DENND6A: variants seen among roughly 807,000 people sequenced by gnomAD.
The protein encoded by DENND6A is protein DENND6A.
DENND6A carries 43 observed loss-of-function variants against 95.5 expected under a neutral mutation model. The ratio of observed to expected loss-of-function variants is 0.45; its 90% CI spans 0.35 to 0.58. The LOEUF is 0.58. Ranked by LOEUF, DENND6A falls within the 20% of genes least tolerant of loss-of-function variation. The probability of loss-of-function intolerance (pLI) is 0.00; values close to 1 mark genes in which losing one functional copy is unlikely to be tolerated. For synonymous variants in DENND6A, 257 were observed against 260.4 expected (o/e 0.99, Z 0.13); for missense variants, 574 against 736.0 (o/e 0.78, Z 2.55).
chr3:57,647,345 T>C (rs553700831), intron 9 of DENND6A, among the ~76,000 whole-genome samples: 3 of 152,226 alleles, frequency 2.0e-5, no homozygotes, highest in Admixed American at 6.5e-5. Flanking sequence ...CTCTTCCTCT[T>C]CCCTTCCTAA....
At chr3:57,636,087 TG>T (rs1353039548) in intron 12 of DENND6A, among the ~76,000 whole-genome samples, 1 of 152,232 alleles carries the variant, frequency 6.6e-6, no homozygotes, top group Non-Finnish European at 1.5e-5. Context: ...TGACTGTTTA[TG>T]TTATTGCTAA....
intron 9 of DENND6A, among the ~76,000 whole-genome samples, chr3:57,651,196 A>C (rs1200141678): frequency 6.6e-6 from 1 of 152,238 alleles, no homozygotes; most frequent in Non-Finnish European, 1.5e-5. Context: ...AGCAGTACGC[A>C]TTCAGTATGC....
At chr3:57,665,576 AGG>A (rs2071513310) in intron 4 of DENND6A, among the ~76,000 whole-genome samples, 1 of 152,188 alleles carries the variant, frequency 6.6e-6, no homozygotes, top group Admixed American at 6.6e-5. Flanking sequence ...TAGTGGAACC[AGG>A]GAGGTAAACT....
At chr3:57,639,374 C>T (rs2070874924) in intron 12 of DENND6A, among the ~76,000 whole-genome samples, 1 of 152,162 alleles carries the variant, frequency 6.6e-6, no homozygotes, top group Non-Finnish European at 1.5e-5. Flanking sequence ...ACAGATTTAT[C>T]AATTCATGCT....
chr3:57,672,886 T>C (rs79348984), intron 1 of DENND6A, among the ~76,000 whole-genome samples: 8,258 of 151,674 alleles, frequency 0.054, 323 homozygotes, highest in Non-Finnish European at 0.083. Flanking sequence ...GATGCACGGA[T>C]AAAGAAAATG....
chr3:57,676,244 G>C, intron 1 of DENND6A, among the ~76,000 whole-genome samples: 1 of 151,982 alleles, frequency 6.6e-6, no homozygotes. Flanking sequence ...GCCAGGCATG[G>C]TGGTGGGCAC....
chr3:57,656,033 C>T (rs975603575), intron 9 of DENND6A, among the ~76,000 whole-genome samples: 15 of 152,184 alleles, frequency 9.9e-5, no homozygotes, highest in African/African-American at 3.6e-4. Context: ...TCCCTCTTTT[C>T]ATCCTAATAA....
intron 14 of DENND6A, among the ~76,000 whole-genome samples, chr3:57,634,270 T>TA (rs34356457): frequency 0.37 from 56,514 of 151,662 alleles, 12,279 homozygotes; most frequent in South Asian, 0.56. Flanking sequence ...CCGTCTCTAC[T>TA]AAAAACACAG....
intron 7 of DENND6A, among the ~76,000 whole-genome samples, chr3:57,659,912 T>C (rs1169722448): frequency 6.6e-6 from 1 of 152,178 alleles, no homozygotes; most frequent in Non-Finnish European, 1.5e-5. Context: ...TGCATATCAC[T>C]CATCTCTGGA....
chr3:57,676,084 A>C (rs1049414085), intron 1 of DENND6A, among the ~76,000 whole-genome samples: 3 of 152,132 alleles, frequency 2.0e-5, no homozygotes, highest in Non-Finnish European at 2.9e-5. Context: ...CTCAAAAAAA[A>C]AAGTCCTTCT....
At position 57,634,486 on chromosome 3, in the gene DENND6A, G is replaced by C. The variant is rs1375510189; in HGVS notation, c.1263+72C>G. ...CTATTTCACATTAGTATACATAAAG[G>C]ACATATTGCGTAACTGGATATTACA... On this transcript the variant is annotated intron_variant, in intron 14 of 19. Coordinates refer to ENST00000311128, the MANE Select transcript of DENND6A (RefSeq NM_152678.3). 3.7e-6 allele frequency: 3 copies of C among 814,902 alleles called. No individual in the cohort carries two copies. In the African/African-American group the frequency reaches 5.4e-5, roughly 15 times the overall value. 50.5% of individuals were successfully genotyped at this position (814,902 alleles called of 1,614,324 possible).
In DENND6A at chr3:57,676,375, T is replaced by TAAAAAAAA. The variant is rs35465829; in HGVS notation, c.238-3945_238-3938dup. On this transcript the variant is annotated intron_variant, in intron 1 of 19. Transcript: ENST00000311128. ...AGCCTGGCAAAAGAATAAGATTATTTAAAAAAAAAAAAAAAAAAAAAAAGG... is the reference window on the plus strand; with the variant it reads ...AGCCTGGCAAAAGAATAAGATTATTTAAAAAAAAAAAAAAAAAAAAAAAAAAAAAAAGG... 2.3e-5 allele frequency among the ~76,000 whole-genome samples: 2 copies of TAAAAAAAA among 87,354 alleles called. 1 individual carries two copies. Among genetic ancestry groups the TAAAAAAAA allele is most frequent in the Non-Finnish European group, 4.5e-5 (2 of 44,920 alleles). The allele number at this position is 87,354 out of a possible 152,430, so 57.3% of individuals were successfully genotyped here.
At position 57,692,738 on chromosome 3, in the gene DENND6A, G is replaced by T. The variant is rs575986989; in HGVS notation, c.237+44C>A. 213 of 1,391,318 alleles carry T rather than the reference G, an allele frequency of 1.5e-4. 5 individuals are homozygous for T. The South Asian group carries it at 3.1e-3, about 20-fold the overall frequency. The allele number at this position is 1,391,318 out of a possible 1,614,324, so 86.2% of individuals were successfully genotyped here. On this transcript the variant is annotated intron_variant, in intron 1 of 19. Transcript: ENST00000311128. ...CCGCTGGCTTTGCTGCAGCCGCCCC[G>T]GCGCAGGGGAGGAGCGCCGAGAAAG...
chr3:57,691,668 C>T (rs1161214949), intron 1 of DENND6A, among the ~76,000 whole-genome samples: 3 of 36,220 alleles, frequency 8.3e-5, no homozygotes, highest in African/African-American at 2.5e-4. Context: ...GTCACCAATA[C>T]CAAAAAAAAA....
chr3:57,686,416 C>T (rs2077212239), intron 1 of DENND6A, among the ~76,000 whole-genome samples: 1 of 152,130 alleles, frequency 6.6e-6, no homozygotes, highest in Non-Finnish European at 1.5e-5. Context: ...ACCATTCTTC[C>T]TTCTCCTTTT....
chr3:57,684,042 A>G (rs1443482054), intron 1 of DENND6A, among the ~76,000 whole-genome samples: 1 of 151,546 alleles, frequency 6.6e-6, no homozygotes, highest in Non-Finnish European at 1.5e-5. Context: ...AATCCCAGCT[A>G]CTCAGGAGGC....
At chr3:57,633,710 G>C (rs1246591734) in intron 14 of DENND6A, among the ~76,000 whole-genome samples, 1 of 152,078 alleles carries the variant, frequency 6.6e-6, no homozygotes, top group Non-Finnish European at 1.5e-5. Context: ...CCATCATGGT[G>C]AAACCCCGTC....
In DENND6A at chr3:57,692,876, C is replaced by T; in HGVS notation, c.143G>A (p.Arg48His). 2 of 1,584,272 alleles carry T rather than the reference C, an allele frequency of 1.3e-6. No individual in the cohort carries two copies. The change falls in exon 1 of 20, where the codon CGT becomes CAT. Residue 48 changes from arginine (R) to histidine (H), a missense_variant. Coordinates refer to ENST00000311128, the MANE Select transcript of DENND6A (RefSeq NM_152678.3). ...APEDDEEDDG[R>H]GRGLLRWDSF... ...GTCCCAGCGCAGCAGGCCCCGGCCACGGCCATCGTCCTCTTCATCGTCCTC... is the reference window on the plus strand; with the variant it reads ...GTCCCAGCGCAGCAGGCCCCGGCCATGGCCATCGTCCTCTTCATCGTCCTC...
At chr3:57,680,254 C>T (rs994498087) in intron 1 of DENND6A, among the ~76,000 whole-genome samples, 4 of 152,150 alleles carry the variant, frequency 2.6e-5, no homozygotes, top group Admixed American at 2.6e-4. Context: ...TTAGACATGA[C>T]ACCAAAAGCA....
Sources: gnomAD v4.1 joint callset for allele counts (sites outside exome capture counted in the v4.1 genomes callset) on GRCh38, gnomAD v4.1.1 for gene constraint, MANE v1.5 for transcripts, NCBI Gene and HGNC (gene_info 2026-07-23, HGNC 2026-07-21) for gene names.